Variants in SGCG observed in about 807,000 individuals in gnomAD.
SGCG encodes the protein gamma-sarcoglycan.
SGCG carries 26 observed loss-of-function variants against 29.3 expected under a neutral mutation model. The ratio of observed to expected loss-of-function variants is 0.89; its 90% CI spans 0.65 to 1.23. The LOEUF is 1.23. Ranked by LOEUF, SGCG falls within the 50% of genes most tolerant of loss-of-function variation. The probability of loss-of-function intolerance (pLI) is 0.00; values close to 1 mark genes in which losing one functional copy is unlikely to be tolerated. For missense variants in SGCG, 353 were observed against 356.0 expected (o/e 0.99, Z 0.07); for synonymous variants, 145 against 129.7 (o/e 1.12, Z -0.80).
chr13:23,237,748 T>C (rs1398947584), intron 3 of SGCG, among the ~76,000 whole-genome samples: 1 of 148,110 alleles, frequency 6.8e-6, no homozygotes, highest in East Asian at 2.0e-4. Flanking sequence ...GGTAGACACA[T>C]CCACACAGTG....
chr13:23,321,311 C>G (rs939456596), intron 7 of SGCG, among the ~76,000 whole-genome samples: 1 of 151,948 alleles, frequency 6.6e-6, no homozygotes, highest in African/African-American at 2.4e-5. Context: ...GTTCCAAGAC[C>G]CCTACTGGAA....
intron 1 of SGCG, among the ~76,000 whole-genome samples, chr13:23,188,208 C>G (rs73168626): frequency 0.3 from 45,515 of 151,428 alleles, 7,534 homozygotes; most frequent in Admixed American, 0.41. Context: ...CAGGGGATTT[C>G]CCTGCATGCC....
intron 2 of SGCG, among the ~76,000 whole-genome samples, chr13:23,218,418 T>A (rs1462752435): frequency 6.6e-6 from 1 of 152,166 alleles, no homozygotes; most frequent in Non-Finnish European, 1.5e-5. Flanking sequence ...GGATATAAAC[T>A]GGTACATTCA....
chr13:23,260,849 T>C (rs1026415183), intron 4 of SGCG, among the ~76,000 whole-genome samples: 1 of 151,984 alleles, frequency 6.6e-6, no homozygotes, highest in African/African-American at 2.4e-5. Context: ...TCTTTAAGAA[T>C]GTTGAATATT....
At chr13:23,322,384 G>T (rs1883068436) in intron 7 of SGCG, among the ~76,000 whole-genome samples, 1 of 152,160 alleles carries the variant, frequency 6.6e-6, no homozygotes, top group East Asian at 1.9e-4. Flanking sequence ...AAGCATGCAG[G>T]TTATACAGCA....
chr13:23,277,798 A>G lies in SGCG; in HGVS notation c.386-1561A>G, dbSNP rs1349140632. On this transcript the variant is annotated intron_variant, in intron 4 of 7. Coordinates refer to ENST00000218867, the MANE Select transcript of SGCG (RefSeq NM_000231.3). ...ACTGCAAGCTCCGCCTCCCAGGTTC[A>G]TGCCATTCTCCCGCCTCAGCCTCCC... Among the ~76,000 whole-genome samples, 3 of 147,298 alleles carry G rather than the reference A, an allele frequency of 2.0e-5. No individual in the cohort carries two copies. In the Admixed American group the frequency reaches 2.1e-4, roughly 10 times the overall value.
intron 6 of SGCG, among the ~76,000 whole-genome samples, chr13:23,298,585 GATTAAC>G (rs2137650215): frequency 6.6e-6 from 1 of 152,078 alleles, no homozygotes; most frequent in South Asian, 2.1e-4. Context: ...TGGATAAAAA[GATTAAC>G]ATTAAAGAAT....
At chr13:23,203,640 C>T (rs1330530782) in intron 1 of SGCG, 55 bp from the exon 2 acceptor site, 2 of 1,359,172 alleles carry the variant, frequency 1.5e-6, no homozygotes, top group Admixed American at 1.9e-5. Flanking sequence ...AAGTTGCCTC[C>T]CTCATTCCCT....
At position 23,185,883 on chromosome 13, in the gene SGCG, A is replaced by C. The variant is rs778650141; in HGVS notation, c.-1+4808A>C. ...AGGAGTGTCTTGGTTCTGAAGGGTG[A>C]TGGGCGTGACATAGCACGAGTCCAC... On this transcript the variant is annotated intron_variant, in intron 1 of 7. Coordinates refer to ENST00000218867, the MANE Select transcript of SGCG (RefSeq NM_000231.3). Among the ~76,000 whole-genome samples the C allele has an allele frequency of 4.1e-4, 63 of 152,294 alleles. 1 individual carries two copies. In the Middle Eastern group the frequency reaches 0.01, roughly 25 times the overall value.
At chr13:23,259,547 G>A (rs1324746168) in intron 4 of SGCG, among the ~76,000 whole-genome samples, 1 of 151,830 alleles carries the variant, frequency 6.6e-6, no homozygotes, top group South Asian at 2.1e-4. Flanking sequence ...ATCTCCCTCA[G>A]TTCTGCTCTG....
At chr13:23,220,391 G>C (rs1878610895) in intron 2 of SGCG, among the ~76,000 whole-genome samples, 1 of 152,068 alleles carries the variant, frequency 6.6e-6, no homozygotes, top group Non-Finnish European at 1.5e-5. Flanking sequence ...AGGAGGTTGC[G>C]ATGAGCCGAA....
At chr13:23,191,637 G>A (rs1877257307) in intron 1 of SGCG, among the ~76,000 whole-genome samples, 1 of 152,148 alleles carries the variant, frequency 6.6e-6, no homozygotes, top group Non-Finnish European at 1.5e-5. Flanking sequence ...AGCTAAATAA[G>A]GTTTGTCTTT....
At chr13:23,304,859 C>A (rs1882304763) in intron 6 of SGCG, among the ~76,000 whole-genome samples, 1 of 152,192 alleles carries the variant, frequency 6.6e-6, no homozygotes, top group African/African-American at 2.4e-5. Context: ...GATCTCCTGG[C>A]CTCAGATGAT....
At chr13:23,222,720 C>T (rs1878719424) in intron 2 of SGCG, among the ~76,000 whole-genome samples, 1 of 152,008 alleles carries the variant, frequency 6.6e-6, no homozygotes, top group East Asian at 1.9e-4. Flanking sequence ...CTCAGCTACT[C>T]AGGAAGCTGA....
In SGCG at chr13:23,200,345, AC is replaced by A. The variant is rs1324926169; in HGVS notation, c.1-3347del. Among the ~76,000 whole-genome samples, 12 of 150,524 alleles carry A rather than the reference AC, an allele frequency of 8.0e-5. 1 individual carries two copies. The highest frequency in any genetic ancestry group is 3.0e-5 in the Non-Finnish European group (2 of 67,446). Reference sequence around the variant, plus strand: ...GACCGAGGCAGGAGACTCACTTGAAACCCTGGAGGCGGAGGTTGCAGTGAGC... The same window carrying A: ...GACCGAGGCAGGAGACTCACTTGAAACCTGGAGGCGGAGGTTGCAGTGAGC... On this transcript the variant is annotated intron_variant, in intron 1 of 7. Transcript: ENST00000218867.
intron 2 of SGCG, among the ~76,000 whole-genome samples, chr13:23,215,105 A>T (rs1878377409): frequency 6.6e-6 from 1 of 152,184 alleles, no homozygotes; most frequent in African/African-American, 2.4e-5. Flanking sequence ...GCAATTGGGA[A>T]ATAAAGAAGG....
intron 2 of SGCG, among the ~76,000 whole-genome samples, chr13:23,208,276 A>T (rs563195727): frequency 6.6e-6 from 1 of 152,240 alleles, no homozygotes; most frequent in African/African-American, 2.4e-5. Flanking sequence ...CTCTGCTCAG[A>T]TCCTCAACAG....
intron 1 of SGCG, among the ~76,000 whole-genome samples, chr13:23,189,077 G>A (rs1178546915): frequency 6.6e-6 from 1 of 152,182 alleles, no homozygotes; most frequent in African/African-American, 2.4e-5. Flanking sequence ...GAGATGACGG[G>A]CGGTCATCCC....
Position 23,299,438 on chromosome 13 carries a change from A to T in SGCG, c.578+3951A>T, listed in dbSNP as rs867155885. ...TATATATATATATATATATATATATATATATATATATATATATATTTTTTT... is the reference window on the plus strand; with the variant it reads ...TATATATATATATATATATATATATTTATATATATATATATATATTTTTTT... On this transcript the variant is annotated intron_variant, in intron 6 of 7. Transcript: ENST00000218867. Among the ~76,000 whole-genome samples, 16 of 5,438 alleles carry T rather than the reference A, an allele frequency of 2.9e-3. 2 individuals are homozygous for T. The highest frequency in any genetic ancestry group is 6.1e-3 in the Admixed American group (2 of 328). 3.6% of individuals were successfully genotyped at this position (5,438 alleles called of 152,430 possible).
Sources: allele counts gnomAD v4.1 joint callset (sites outside exome capture counted in the v4.1 genomes callset), GRCh38; gene constraint gnomAD v4.1.1; transcripts MANE v1.5; gene names NCBI Gene and HGNC (gene_info 2026-07-23, HGNC 2026-07-21).